Variants in MTA3 observed in about 807,000 individuals in gnomAD.
The protein encoded by MTA3 is metastasis associated 1 family member 3.
MTA3 carries 34 observed loss-of-function variants against 83.5 expected under a neutral mutation model. The observed-to-expected ratio is 0.41, with a 90% CI of 0.31 to 0.54. MTA3 has a LOEUF of 0.54. MTA3 is among the 20% of genes least tolerant of loss of function. The pLI is 0.33. For synonymous variants in MTA3, 303 were observed against 252.7 expected, an observed-to-expected ratio of 1.20 and a Z score of -1.89; for missense variants, 761 against 726.4, an observed-to-expected ratio of 1.05 and a Z score of -0.55.
intron 16 of MTA3, among the ~76,000 whole-genome samples, chr2:42,737,557 G>T (rs944366585): frequency 2.6e-5 from 4 of 152,096 alleles, no homozygotes; most frequent in Admixed American, 2.6e-4. Flanking sequence ...GTGCTTTTTT[G>T]TGTAGCTAGT....
intron 9 of MTA3, among the ~76,000 whole-genome samples, chr2:42,684,847 CCTTA>C (rs1692230321): frequency 6.6e-6 from 1 of 152,184 alleles, no homozygotes; most frequent in African/African-American, 2.4e-5. Context: ...TGAATGTGGT[CCTTA>C]CTTCAAGGAA....
At chr2:42,651,658 A>G (rs1337096728) in intron 6 of MTA3, among the ~76,000 whole-genome samples, 1 of 151,872 alleles carries the variant, frequency 6.6e-6, no homozygotes, top group Non-Finnish European at 1.5e-5. Context: ...TTAGCTGGGC[A>G]TGGTGGTGCG....
At chr2:42,556,499 C>T (rs1677398512) in intron 2 of MTA3, among the ~76,000 whole-genome samples, 1 of 152,230 alleles carries the variant, frequency 6.6e-6, no homozygotes, top group African/African-American at 2.4e-5. Context: ...CCCCCAGTGC[C>T]TGGGAGCCAT....
Position 42,541,015 on chromosome 2 carries a change from G to A in MTA3, c.-140-29422G>A, listed in dbSNP as rs187226737. On this transcript the variant is annotated intron_variant, in intron 2 of 17. Coordinates refer to the MTA3 transcript ENST00000405592. Reference sequence around the variant, plus strand: ...GGTACAAAAGCCATACACATTCAGTGGAAACCTTACTTCAAATTTTTTTTT... The same window carrying A: ...GGTACAAAAGCCATACACATTCAGTAGAAACCTTACTTCAAATTTTTTTTT... Among the ~76,000 whole-genome samples the A allele has an allele frequency of 4.3e-3, 653 of 151,976 alleles. 5 individuals are homozygous for A. Among genetic ancestry groups the A allele is most frequent in the African/African-American group, 0.015 (622 of 41,450 alleles).
intron 12 of MTA3, among the ~76,000 whole-genome samples, chr2:42,706,164 T>A (rs1013365643): frequency 1.3e-5 from 2 of 152,106 alleles, no homozygotes; most frequent in African/African-American, 4.8e-5. Context: ...TTAGGAGATA[T>A]ACCTAATGCT....
intron 1 of MTA3, among the ~76,000 whole-genome samples, chr2:42,570,094 T>C (rs1573002965): frequency 6.6e-6 from 1 of 152,040 alleles, no homozygotes; most frequent in East Asian, 1.9e-4. Flanking sequence ...GAAAAAGATG[T>C]GGAAGTAGTT....
At chr2:42,738,256 G>A (rs1668752270) in intron 16 of MTA3, among the ~76,000 whole-genome samples, 1 of 152,106 alleles carries the variant, frequency 6.6e-6, no homozygotes, top group Non-Finnish European at 1.5e-5. Flanking sequence ...TGTGTTGCAG[G>A]AAGTCAGGGA....
chr2:42,663,407 G>A (rs1417795172), intron 8 of MTA3, among the ~76,000 whole-genome samples: 1 of 152,154 alleles, frequency 6.6e-6, no homozygotes, highest in African/African-American at 2.4e-5. Context: ...TGTCAGTGAA[G>A]GTGATATTTT....
chr2:42,611,008 G>A (rs1292662653), intron 4 of MTA3, among the ~76,000 whole-genome samples: 3 of 143,292 alleles, frequency 2.1e-5, no homozygotes, highest in Non-Finnish European at 3.0e-5. Flanking sequence ...TTGAGACGGA[G>A]TCTTGCTCTG....
intron 2 of MTA3, among the ~76,000 whole-genome samples, chr2:42,508,880 T>A (rs1674768532): frequency 6.8e-6 from 1 of 147,334 alleles, no homozygotes; most frequent in African/African-American, 2.5e-5. Context: ...ATATATTATA[T>A]ATACAACATA....
At chr2:42,515,533 C>T (rs1010303412) in intron 2 of MTA3, among the ~76,000 whole-genome samples, 8 of 151,872 alleles carry the variant, frequency 5.3e-5, no homozygotes, top group African/African-American at 1.7e-4. Flanking sequence ...GATGGATTCT[C>T]GCTCTCTCTC....
At chr2:42,722,772 A>G (rs1051910345) in intron 15 of MTA3, 117 bp from the exon 16 acceptor site, 3 of 1,214,152 alleles carry the variant, frequency 2.5e-6, no homozygotes, top group African/African-American at 1.5e-5. Flanking sequence ...TGGCTGGCTC[A>G]GGAGGAACTG....
chr2:42,621,970 A>G (rs1272975441), intron 4 of MTA3, among the ~76,000 whole-genome samples: 13 of 148,752 alleles, frequency 8.7e-5, no homozygotes, highest in African/African-American at 3.2e-4. Context: ...ATGGGCGGCC[A>G]GGCAGAGACG....
intron 2 of MTA3, among the ~76,000 whole-genome samples, chr2:42,536,277 C>T (rs889932611): frequency 8.6e-5 from 13 of 151,424 alleles, no homozygotes; most frequent in African/African-American, 2.9e-4. Flanking sequence ...AGTTTGAGAC[C>T]AGCCTGGCCA....
At chr2:42,560,112 T>C (rs1053688240) in intron 2 of MTA3, among the ~76,000 whole-genome samples, 46 of 152,152 alleles carry the variant, frequency 3.0e-4, no homozygotes, top group African/African-American at 1.0e-3. Context: ...AACCTCCGCC[T>C]CCCAGGTGCA....
chr2:42,633,711 G>A (rs1686908549), intron 4 of MTA3, among the ~76,000 whole-genome samples: 1 of 152,056 alleles, frequency 6.6e-6, no homozygotes, highest in African/African-American at 2.4e-5. Flanking sequence ...CTAACACAGT[G>A]AAACCCCGTC....
chr2:42,508,694 A>G (rs915800912), intron 2 of MTA3, among the ~76,000 whole-genome samples: 12 of 150,372 alleles, frequency 8.0e-5, no homozygotes, highest in African/African-American at 2.2e-4. Flanking sequence ...CAAATATACA[A>G]CTCTGGTGAG....
At chr2:42,743,347 C>T (rs997511948) in intron 16 of MTA3, among the ~76,000 whole-genome samples, 6 of 152,186 alleles carry the variant, frequency 3.9e-5, no homozygotes, top group African/African-American at 1.4e-4. Context: ...GTGATACAGA[C>T]CATCGTTTGG....
chr2:42,584,851 AC>A (rs1224201616), intron 3 of MTA3, among the ~76,000 whole-genome samples: 1 of 151,884 alleles, frequency 6.6e-6, no homozygotes, highest in Non-Finnish European at 1.5e-5. Context: ...TTTGCACTCC[AC>A]CCTGGGTGAC....
Sources: gnomAD v4.1 joint callset for allele counts (sites outside exome capture counted in the v4.1 genomes callset) on GRCh38, gnomAD v4.1.1 for gene constraint, MANE v1.5 for transcripts, NCBI Gene and HGNC (gene_info 2026-07-23, HGNC 2026-07-21) for gene names.